Variants in SEC22A observed in about 807,000 individuals in gnomAD.
The protein encoded by SEC22A is SEC22 homolog A, vesicle trafficking protein.
SEC22A carries 22 observed loss-of-function variants against 35.3 expected under a neutral mutation model. The observed-to-expected ratio is 0.62, with a 90% CI of 0.45 to 0.89. The LOEUF is 0.89. Among genes scored for constraint, SEC22A ranks in the 40% least tolerant of loss-of-function variants. The probability of loss-of-function intolerance (pLI) is 0.00; values close to 1 mark genes in which losing one functional copy is unlikely to be tolerated. For synonymous variants in SEC22A, 119 were observed against 129.5 expected (o/e 0.92, Z 0.55); for missense variants, 354 against 362.5 (o/e 0.98, Z 0.19).
rs1938168272 is a variant in SEC22A, at chr3:123,271,716, T to C, written c.918T>C (p.Asp306=). The change falls in exon 7 of 7, where the codon GAT becomes GAC. Residue 306 remains aspartate, a synonymous_variant. Coordinates refer to ENST00000492595, the MANE Select transcript of SEC22A (RefSeq NM_012430.5). The stretch of plus-strand genomic sequence containing the variant: ...CCCAGGGCAAGGCTCCCGATTATGA[T>C]GTCTGACACCATCCTTCAGATCTAT... ...RQAQGKAPDY[D]V The C allele has an allele frequency of 6.2e-7, 1 of 1,613,742 alleles. No individual in the cohort carries two copies. The highest frequency in any genetic ancestry group is 8.5e-7 in the Non-Finnish European group (1 of 1,179,652).
chr3:123,205,641 CACT>C (rs1936839760), intron 1 of SEC22A, among the ~76,000 whole-genome samples: 1 of 152,080 alleles, frequency 6.6e-6, no homozygotes, highest in Non-Finnish European at 1.5e-5. Context: ...TGAGCCATTG[CACT>C]CCAGCCTGGG....
Position 123,255,346 on chromosome 3 carries a change from C to T in SEC22A, c.658-4178C>T, listed in dbSNP as rs185129373. Among the ~76,000 whole-genome samples, 48 of 152,204 alleles carry T rather than the reference C, an allele frequency of 3.2e-4. 1 individual carries two copies. The highest frequency in any genetic ancestry group is 7.9e-4 in the Admixed American group (12 of 15,282). Reference sequence around the variant, plus strand: ...TATTTGATACACTTTCTTCCTCCACCTGTCCTTTACATAGTGGCATTCTCC... The same window carrying T: ...TATTTGATACACTTTCTTCCTCCACTTGTCCTTTACATAGTGGCATTCTCC... On this transcript the variant is annotated intron_variant, in intron 5 of 6. Coordinates refer to ENST00000492595, the MANE Select transcript of SEC22A (RefSeq NM_012430.5).
chr3:123,248,742 G>A (rs532229702), intron 5 of SEC22A, among the ~76,000 whole-genome samples: 31 of 152,300 alleles, frequency 2.0e-4, no homozygotes, highest in African/African-American at 5.3e-4. Flanking sequence ...AAGTTCATAT[G>A]GAAAAGCAAG....
intron 6 of SEC22A, among the ~76,000 whole-genome samples, chr3:123,270,624 ACC>A (rs1938138829): frequency 6.6e-6 from 1 of 152,202 alleles, no homozygotes; most frequent in Non-Finnish European, 1.5e-5. Context: ...AAAAAATCTC[ACC>A]CCTCATGAAA....
At chr3:123,268,188 A>G (rs145111449) in intron 6 of SEC22A, among the ~76,000 whole-genome samples, 1 of 152,200 alleles carries the variant, frequency 6.6e-6, no homozygotes, top group East Asian at 1.9e-4. Context: ...TTTTTGTGTG[A>G]TGTTTGGCTA....
intron 1 of SEC22A, chr3:123,204,881 CTTCCCATGCAA>C (rs1220103415): frequency 1.3e-5 from 2 of 152,204 alleles, no homozygotes; most frequent in East Asian, 3.9e-4. Context: ...ACTCCTAAAT[CTTCCCATGCAA>C]TTGTTGTAAT....
chr3:123,240,574 T>C (rs1235895300), intron 4 of SEC22A, among the ~76,000 whole-genome samples: 1 of 152,244 alleles, frequency 6.6e-6, no homozygotes, highest in Non-Finnish European at 1.5e-5. Flanking sequence ...GTTTTTGTTA[T>C]TGCACATAAA....
chr3:123,216,955 T>A lies in SEC22A; in HGVS notation c.183-6604T>A, dbSNP rs184083511. ...GATCCTCCTGCCTCAGCCTCCTGAG[T>A]AGCTGTGACTATGGGTGTGCATCAC... On this transcript the variant is annotated intron_variant, in intron 2 of 6. Transcript: ENST00000492595. Among the ~76,000 whole-genome samples, 5 of 152,092 alleles carry A rather than the reference T, an allele frequency of 3.3e-5. 1 individual carries two copies. Among genetic ancestry groups the A allele is most frequent in the South Asian group, 2.1e-4 (1 of 4,818 alleles).
Position 123,218,668 on chromosome 3 carries a change from G to A in SEC22A, c.183-4891G>A, listed in dbSNP as rs6806290. On this transcript the variant is annotated intron_variant, in intron 2 of 6. Coordinates refer to ENST00000492595, the MANE Select transcript of SEC22A (RefSeq NM_012430.5). ...GCCTTCTGGAGAACAGTAACTAGAA[G>A]ACAAGTGAAGTTCTACTCTCTTCTG... 3.4e-3 allele frequency among the ~76,000 whole-genome samples: 512 copies of A among 152,234 alleles called. 1 individual carries two copies. The highest frequency in any genetic ancestry group is 0.012 in the African/African-American group (479 of 41,542).
intron 5 of SEC22A, among the ~76,000 whole-genome samples, chr3:123,257,177 AT>A (rs1180290367): frequency 6.6e-6 from 1 of 152,166 alleles, no homozygotes; most frequent in Non-Finnish European, 1.5e-5. Context: ...TCAATTAAAG[AT>A]TTTTTAAGTG....
At chr3:123,243,554 C>G (rs777262761) in intron 4 of SEC22A, among the ~76,000 whole-genome samples, 30 of 152,162 alleles carry the variant, frequency 2.0e-4, no homozygotes, top group Non-Finnish European at 3.5e-4. Flanking sequence ...CCTACTTTAT[C>G]TTTCCACTTC....
chr3:123,238,476 G>T (rs980867865), intron 4 of SEC22A, among the ~76,000 whole-genome samples: 1 of 152,126 alleles, frequency 6.6e-6, no homozygotes, highest in Non-Finnish European at 1.5e-5. Context: ...GATTACAGAC[G>T]TGCGCCACCA....
intron 4 of SEC22A, among the ~76,000 whole-genome samples, chr3:123,226,796 A>G (rs1937224458): frequency 6.6e-6 from 1 of 152,174 alleles, no homozygotes; most frequent in South Asian, 2.1e-4. Context: ...GCCCAGGCCA[A>G]TGTCCTGGAG....
intron 4 of SEC22A, among the ~76,000 whole-genome samples, chr3:123,225,522 A>C (rs1937204950): frequency 6.6e-6 from 1 of 152,190 alleles, no homozygotes; most frequent in Non-Finnish European, 1.5e-5. Flanking sequence ...TTGCTAGAAA[A>C]ACATTTTTTT....
rs1326368100 is a variant in SEC22A at position 123,273,126 on chromosome 3, C to A, written c.*1404C>A. Reference sequence around the variant, plus strand: ...TTCATAGGATACTGAAATTTGATATCATCCAGAAAAACAGATCCCATTACA... The same window carrying A: ...TTCATAGGATACTGAAATTTGATATAATCCAGAAAAACAGATCCCATTACA... On this transcript the variant is annotated 3_prime_UTR_variant, in exon 7 of 7. Transcript: ENST00000492595. 3.1e-4 allele frequency: 48 copies of A among 152,392 alleles called. No individual in the cohort carries two copies. The highest frequency in any genetic ancestry group is 2.8e-4 in the Non-Finnish European group (19 of 68,030). 9.4% of individuals were successfully genotyped at this position (152,392 alleles called of 1,614,324 possible). A position where few individuals can be genotyped will look rare whatever the true frequency, so the allele number is the denominator to read the frequency against.
intron 2 of SEC22A, among the ~76,000 whole-genome samples, chr3:123,213,454 A>G (rs903143777): frequency 2.0e-5 from 3 of 152,178 alleles, no homozygotes; most frequent in African/African-American, 7.2e-5. Context: ...TCTCCTAGCC[A>G]TATTAAATGC....
At chr3:123,228,912 G>A (rs988919694) in intron 4 of SEC22A, among the ~76,000 whole-genome samples, 8 of 152,072 alleles carry the variant, frequency 5.3e-5, no homozygotes, top group East Asian at 3.8e-4. Context: ...ACTGGCAGAA[G>A]AGTTAGCAAT....
chr3:123,251,232 A>C (rs140154567), intron 5 of SEC22A, among the ~76,000 whole-genome samples: 2 of 152,218 alleles, frequency 1.3e-5, no homozygotes, highest in African/African-American at 2.4e-5. Context: ...CGTCACAACT[A>C]TGGTGGTGGA....
In SEC22A at chr3:123,271,615, C is replaced by T. The variant is rs1176134562; in HGVS notation, c.817C>T (p.Leu273=). The change falls in exon 7 of 7, where the codon CTG becomes TTG. Residue 273 remains leucine (L), a synonymous_variant. Transcript: ENST00000492595. ...ICLCNMYLYE[L]RNLWQLFFHV... ...TCTATGCAACATGTATCTCTATGAA[C>T]TGCGCAACCTCTGGCAGCTTTTCTT... 1 of 1,614,146 alleles carries T rather than the reference C, an allele frequency of 6.2e-7. No homozygotes were observed.
Sources: gnomAD v4.1 joint callset for allele counts (sites outside exome capture counted in the v4.1 genomes callset) on GRCh38, gnomAD v4.1.1 for gene constraint, MANE v1.5 for transcripts, NCBI Gene and HGNC (gene_info 2026-07-23, HGNC 2026-07-21) for gene names.